KIDINS220: variants seen among roughly 807,000 people sequenced by gnomAD.
KIDINS220 encodes the protein kinase D-interacting substrate of 220 kDa.
A neutral mutation model predicts 157.6 loss-of-function variants in KIDINS220; 63 were observed. The ratio of observed to expected loss-of-function variants is 0.40; its 90% CI spans 0.33 to 0.49. The LOEUF (loss-of-function observed/expected upper bound fraction) is 0.49. Ranked by LOEUF, KIDINS220 falls within the 20% of genes least tolerant of loss-of-function variation. The probability of loss-of-function intolerance (pLI) is 0.66; values close to 1 mark genes in which losing one functional copy is unlikely to be tolerated. For synonymous variants in KIDINS220, 732 were observed against 783.6 expected, an observed-to-expected ratio of 0.93 and a Z score of 1.10; for missense variants, 1,772 against 2,171.2, an observed-to-expected ratio of 0.82 and a Z score of 3.65.
chr2:8,813,832 G>A (rs910144753), intron 4 of KIDINS220, among the ~76,000 whole-genome samples: 1 of 152,082 alleles, frequency 6.6e-6, no homozygotes, highest in African/African-American at 2.4e-5. Flanking sequence ...GCTGAGGCAG[G>A]AGAACCACTT....
In KIDINS220 at chr2:8,770,753, T is replaced by G. The variant is rs752864253; in HGVS notation, c.2928A>C (p.Pro976=). The G allele has an allele frequency of 2.5e-6, 4 of 1,612,252 alleles. No homozygotes were observed. The highest frequency in any genetic ancestry group is 3.4e-6 in the Non-Finnish European group (4 of 1,178,420). ...ASWINLTEQW[P]YRTSWLILYL... ...ATAATATGAGCCATGAAGTCCGGTA[T>G]GGCCACTGCTCAGTAAGGTTGATCC... The change falls in exon 22 of 30, where the codon CCA becomes CCC. Residue 976 remains proline, a synonymous_variant. Transcript: ENST00000256707.
intron 18 of KIDINS220, among the ~76,000 whole-genome samples, 163 bp downstream of exon 18, chr2:8,779,511 A>T (rs1228900171): frequency 6.6e-6 from 1 of 152,242 alleles, no homozygotes; most frequent in Admixed American, 6.5e-5. Context: ...TTCTTGCTAC[A>T]TTTCTGTATA....
Position 8,733,543 on chromosome 2 carries a change from GAGCTCGGTGTGAGGC to G in KIDINS220, c.3939_3953del (p.Pro1314_Leu1318del). 6.2e-7 allele frequency: 1 copy of G among 1,614,160 alleles called. No individual in the cohort carries two copies. The highest frequency in any genetic ancestry group is 8.5e-7 in the Non-Finnish European group (1 of 1,180,026). On this transcript the variant is annotated inframe_deletion, in exon 29 of 30. Coordinates refer to ENST00000256707, the MANE Select transcript of KIDINS220 (RefSeq NM_020738.4). ...TGAGTGTGTAGGGCGTCTGGCTGGA[GAGCTCGGTGTGAGGC>G]AGCTCGTTGTGGGAAGCGCGGCGAG... is the stretch of plus-strand genomic sequence containing the variant.
At chr2:8,738,544 C>T (rs1665202363) in intron 26 of KIDINS220, among the ~76,000 whole-genome samples, 1 of 152,204 alleles carries the variant, frequency 6.6e-6, no homozygotes, top group Non-Finnish European at 1.5e-5. Context: ...CTGGGAAGGG[C>T]ATAGCATCAC....
At chr2:8,808,015 C>T (rs1001493846) in intron 6 of KIDINS220, among the ~76,000 whole-genome samples, 2 of 151,756 alleles carry the variant, frequency 1.3e-5, no homozygotes, top group African/African-American at 2.4e-5. Context: ...TCCCAGCTAC[C>T]GGGGAGGCTG....
chr2:8,755,155 G>A (rs1667853439), intron 22 of KIDINS220, among the ~76,000 whole-genome samples: 1 of 152,196 alleles, frequency 6.6e-6, no homozygotes, highest in South Asian at 2.1e-4. Context: ...ACTGCCATCT[G>A]TGAAAAGGCA....
intron 4 of KIDINS220, among the ~76,000 whole-genome samples, 161 bp downstream of exon 4, chr2:8,817,457 C>G (rs910813872): frequency 2.6e-5 from 4 of 152,062 alleles, no homozygotes; most frequent in African/African-American, 9.7e-5. Flanking sequence ...ATTACAACAC[C>G]TGGGTTTTAA....
intron 17 of KIDINS220, among the ~76,000 whole-genome samples, chr2:8,784,237 AAAG>A (rs1672092545): frequency 6.6e-6 from 1 of 152,154 alleles, no homozygotes; most frequent in Admixed American, 6.5e-5. Context: ...GCAAGCAAGA[AAAG>A]AATCTAGACA....
Position 8,803,072 on chromosome 2 carries a change from T to C in KIDINS220, c.659A>G (p.Lys220Arg). The change falls in exon 8 of 30, where the codon AAA (lysine) becomes AGA (arginine). Residue 220 changes from lysine to arginine, a missense_variant. Around this residue, in one of 3 missense-constraint regions of KIDINS220, gnomAD observed 254 missense variants for 268.6 expected, o/e 0.95. Coordinates refer to ENST00000256707, the MANE Select transcript of KIDINS220 (RefSeq NM_020738.4). ...AVKGGYTQSV[K>R]EILKRNPNVN... ...ATTTGGATTCCTCTTCAAAATTTCT[T>C]TTACTGACTGTGTGTAACCTCCTTT... 1.9e-6 allele frequency: 3 copies of C among 1,613,060 alleles called. No homozygotes were observed. The highest frequency in any genetic ancestry group is 2.5e-6 in the Non-Finnish European group (3 of 1,179,942).
rs762661133 is a variant in KIDINS220 at position 8,757,382 on chromosome 2, T to C, written c.3012-5738A>G. ...ATCTATTTTTTATATTTATTACTAA[T>C]GTCACAGTCAGTTCAGTAAATGCCA... On this transcript the variant is annotated intron_variant, in intron 22 of 29. Coordinates refer to ENST00000256707, the MANE Select transcript of KIDINS220 (RefSeq NM_020738.4). The C allele has an allele frequency of 7.3e-5, 80 of 1,101,610 alleles. 1 individual carries two copies. The highest frequency in any genetic ancestry group is 2.7e-4 in the South Asian group (9 of 33,700). 68.2% of individuals were successfully genotyped at this position (1,101,610 alleles called of 1,614,324 possible).
intron 14 of KIDINS220, among the ~76,000 whole-genome samples, chr2:8,789,179 TA>T (rs1414934578): frequency 2.9e-5 from 2 of 67,834 alleles, no homozygotes; most frequent in Non-Finnish European, 6.0e-5. Context: ...GATTATATTA[TA>T]TTTTTTTTAT....
rs1381884279 is a variant in KIDINS220 at position 8,818,785 on chromosome 2, C to A, written c.117G>T (p.Gln39His). The change falls in exon 3 of 30, where the codon CAG becomes CAT. Residue 39 changes from glutamine (Q) to histidine (H), a missense_variant. Transcript: ENST00000256707. ...KDVDERNECG[Q>H]TPLMIAAEQG... is the part of the protein sequence containing the mutation. ...GTTCGGCAGCTATCATCAGTGGAGT[C>A]TGGCCACACTAGAGAATATAAAAGA... The A allele has an allele frequency of 6.3e-7, 1 of 1,590,448 alleles. No individual in the cohort carries two copies. The highest frequency in any genetic ancestry group is 8.6e-7 in the Non-Finnish European group (1 of 1,164,248).
At chr2:8,797,927 T>C (rs1025744284) in intron 10 of KIDINS220, among the ~76,000 whole-genome samples, 1 of 152,202 alleles carries the variant, frequency 6.6e-6, no homozygotes, top group Non-Finnish European at 1.5e-5. Flanking sequence ...GTGGCATAAA[T>C]GAATTTGGGA....
chr2:8,836,240 C>A (rs1364424275), intron 1 of KIDINS220, among the ~76,000 whole-genome samples: 1 of 151,862 alleles, frequency 6.6e-6, no homozygotes, highest in Non-Finnish European at 1.5e-5. Context: ...GCAGACTTTT[C>A]TCTACTTAAG....
intron 21 of KIDINS220, among the ~76,000 whole-genome samples, chr2:8,776,369 A>G (rs1163203318): frequency 2.0e-5 from 3 of 152,236 alleles, no homozygotes; most frequent in Admixed American, 6.5e-5. Flanking sequence ...TTTATTGTCA[A>G]TATTTTTTAT....
In KIDINS220 at chr2:8,815,115, T is replaced by C. The variant is rs1676871441; in HGVS notation, c.307-1780A>G. On this transcript the variant is annotated intron_variant, in intron 4 of 29. Transcript: ENST00000256707. The stretch of plus-strand genomic sequence containing the variant: ...TGTCCTCACTTCAATTTGAATAATG[T>C]CCCAGCCAGGCATGGTGGCTCATGC... Among the ~76,000 whole-genome samples, 3 of 152,112 alleles carry C rather than the reference T, an allele frequency of 2.0e-5. 1 individual carries two copies. The South Asian group carries it at 6.2e-4, about 31-fold the overall frequency.
At chr2:8,764,020 A>C (rs1245396805) in intron 22 of KIDINS220, among the ~76,000 whole-genome samples, 1 of 152,230 alleles carries the variant, frequency 6.6e-6, no homozygotes, top group African/African-American at 2.4e-5. Flanking sequence ...TGAGTGGATA[A>C]AGAAAATGTG....
chr2:8,772,620 A>G (rs530126421), intron 21 of KIDINS220, among the ~76,000 whole-genome samples: 1 of 152,012 alleles, frequency 6.6e-6, no homozygotes, highest in East Asian at 1.9e-4. Context: ...GCAATATCAA[A>G]AGAAAATTCT....
chr2:8,801,097 C>G (rs976060029), intron 8 of KIDINS220, among the ~76,000 whole-genome samples: 4 of 152,146 alleles, frequency 2.6e-5, no homozygotes, highest in African/African-American at 9.7e-5. Context: ...GAGGACATTG[C>G]TCTCCCCTGA....
Sources: allele counts gnomAD v4.1 joint callset (sites outside exome capture counted in the v4.1 genomes callset), GRCh38; gene constraint gnomAD v4.1.1; regional missense constraint gnomAD v4.1.1; transcripts MANE v1.5; gene names NCBI Gene and HGNC (gene_info 2026-07-23, HGNC 2026-07-21).